EPHA5: variants seen among roughly 807,000 people sequenced by gnomAD.
The protein encoded by EPHA5 is EPH receptor A5.
In EPHA5, 60 loss-of-function variants were observed where a neutral mutation model predicts 105.0. The ratio of observed to expected loss-of-function variants is 0.57; its 90% CI spans 0.46 to 0.71. The LOEUF is 0.71. Ranked by LOEUF, EPHA5 falls within the 30% of genes least tolerant of loss-of-function variation. The pLI is 0.00. For missense variants in EPHA5, 1,218 were observed against 1,274.7 expected, an observed-to-expected ratio of 0.96 and a Z score of 0.68; for synonymous variants, 513 against 449.1, an observed-to-expected ratio of 1.14 and a Z score of -1.80.
chr4:65,573,653 A>G (rs1187864153), intron 3 of EPHA5: 1 of 1,602,098 alleles, frequency 6.2e-7, no homozygotes, highest in Non-Finnish European at 8.5e-7. Flanking sequence ...TGTATTCCAG[A>G]AAGGCCATGT....
At chr4:65,653,619 T>C (rs185823718) in intron 1 of EPHA5, among the ~76,000 whole-genome samples, 1 of 152,212 alleles carries the variant, frequency 6.6e-6, no homozygotes, top group Non-Finnish European at 1.5e-5. Context: ...AAAATTGTTG[T>C]AGTATTAATC....
intron 5 of EPHA5, among the ~76,000 whole-genome samples, chr4:65,422,136 G>A (rs1283864033): frequency 1.3e-5 from 2 of 152,072 alleles, no homozygotes; most frequent in African/African-American, 4.8e-5. Flanking sequence ...ACTCAGTTCA[G>A]TAGCTAAGAA....
chr4:65,580,546 A>T (rs1741512517), intron 3 of EPHA5, among the ~76,000 whole-genome samples: 1 of 151,908 alleles, frequency 6.6e-6, no homozygotes, highest in Non-Finnish European at 1.5e-5. Flanking sequence ...TTCACCAAAA[A>T]CTATGCCACT....
chr4:65,580,304 C>G lies in EPHA5; in HGVS notation c.910+21337G>C, dbSNP rs536533543. Among the ~76,000 whole-genome samples, 33 of 151,852 alleles carry G rather than the reference C, an allele frequency of 2.2e-4. No homozygotes were observed. In the East Asian group the frequency reaches 5.8e-3, roughly 27 times the overall value. ...ATTAATACAAACAAACCTACAGAGC[C>G]AATAAAATTCTAATTAACAGTACTA... On this transcript the variant is annotated intron_variant, in intron 3 of 16. Transcript: ENST00000613740.
At chr4:65,602,772 G>A (rs1743864707) in intron 2 of EPHA5, among the ~76,000 whole-genome samples, 1 of 151,910 alleles carries the variant, frequency 6.6e-6, no homozygotes, top group Non-Finnish European at 1.5e-5. Flanking sequence ...AAAAAGAAGG[G>A]AGAAAAATGT....
intron 3 of EPHA5, among the ~76,000 whole-genome samples, chr4:65,575,501 A>T (rs543125791): frequency 1.3e-5 from 2 of 152,354 alleles, no homozygotes; most frequent in East Asian, 1.9e-4. Flanking sequence ...AAGAGATGGA[A>T]CCATTAGAGT....
chr4:65,645,403 G>T (rs780920049), intron 1 of EPHA5, among the ~76,000 whole-genome samples: 1 of 151,972 alleles, frequency 6.6e-6, no homozygotes, highest in African/African-American at 2.4e-5. Flanking sequence ...TGCTAATGAC[G>T]GCAATCAAAT....
At chr4:65,588,844 C>T (rs1742367267) in intron 3 of EPHA5, among the ~76,000 whole-genome samples, 2 of 152,066 alleles carry the variant, frequency 1.3e-5, no homozygotes, top group Admixed American at 1.3e-4. Context: ...TCCTATGTTC[C>T]AGTGCTCCAA....
chr4:65,621,015 T>C (rs796336778), intron 2 of EPHA5, among the ~76,000 whole-genome samples: 13 of 152,270 alleles, frequency 8.5e-5, no homozygotes, highest in African/African-American at 2.2e-4. Flanking sequence ...TGTATCTCTA[T>C]GGACCAAGTT....
At chr4:65,426,294 C>T (rs1243020358) in intron 5 of EPHA5, among the ~76,000 whole-genome samples, 1 of 152,178 alleles carries the variant, frequency 6.6e-6, no homozygotes, top group African/African-American at 2.4e-5. Flanking sequence ...TGTCCTGCCT[C>T]AGACCCTTTA....
chr4:65,659,178 C>A (rs1408189485), intron 1 of EPHA5, among the ~76,000 whole-genome samples: 1 of 151,632 alleles, frequency 6.6e-6, no homozygotes, highest in African/African-American at 2.4e-5. Flanking sequence ...CTATTTTTAA[C>A]AGAGCAAGAG....
At chr4:65,606,484 GT>G (rs1744240327) in intron 2 of EPHA5, among the ~76,000 whole-genome samples, 1 of 151,996 alleles carries the variant, frequency 6.6e-6, no homozygotes, top group Non-Finnish European at 1.5e-5. Context: ...AATTAGAAAG[GT>G]TTATAAAAGC....
At chr4:65,503,182 T>C (rs1310210152) in intron 3 of EPHA5, among the ~76,000 whole-genome samples, 1 of 151,798 alleles carries the variant, frequency 6.6e-6, no homozygotes, top group East Asian at 1.9e-4. Context: ...GTTCACTACC[T>C]GAGTGATGGG....
chr4:65,407,988 C>A (rs1374358170), intron 7 of EPHA5, among the ~76,000 whole-genome samples: 2 of 151,966 alleles, frequency 1.3e-5, no homozygotes, highest in Non-Finnish European at 2.9e-5. Context: ...TGGTCTGAAA[C>A]TTCTGAGCTC....
intron 1 of EPHA5, among the ~76,000 whole-genome samples, 199 bp from the exon 2 acceptor site, chr4:65,643,626 A>G (rs1747859839): frequency 6.6e-6 from 1 of 151,982 alleles, no homozygotes; most frequent in Admixed American, 6.6e-5. Flanking sequence ...CATTTGAAGA[A>G]CAATCACAGC....
At chr4:65,651,791 C>T (rs1748634190) in intron 1 of EPHA5, among the ~76,000 whole-genome samples, 1 of 152,040 alleles carries the variant, frequency 6.6e-6, no homozygotes. Context: ...GAAATGTATA[C>T]CAAGTGTTTT....
chr4:65,535,006 A>G (rs1736158293), intron 3 of EPHA5, among the ~76,000 whole-genome samples: 1 of 152,152 alleles, frequency 6.6e-6, no homozygotes, highest in African/African-American at 2.4e-5. Flanking sequence ...CTGAAATCCT[A>G]AATTTACTCA....
chr4:65,584,141 T>C (rs1482865072), intron 3 of EPHA5, among the ~76,000 whole-genome samples: 1 of 151,630 alleles, frequency 6.6e-6, no homozygotes. Flanking sequence ...TTTTTTATCT[T>C]AAAATAATAA....
chr4:65,437,004 G>A (rs1725542403), intron 5 of EPHA5, among the ~76,000 whole-genome samples: 1 of 151,816 alleles, frequency 6.6e-6, no homozygotes, highest in Non-Finnish European at 1.5e-5. Flanking sequence ...ATTTATTAAT[G>A]GTGTGCTAAT....
Sources: gnomAD v4.1 joint callset for allele counts (sites outside exome capture counted in the v4.1 genomes callset) on GRCh38, gnomAD v4.1.1 for gene constraint, MANE v1.5 for transcripts, NCBI Gene and HGNC (gene_info 2026-07-23, HGNC 2026-07-21) for gene names.